The following CDHR5 variants were observed in gnomAD, a reference collection of about 807,000 sequenced individuals.
The protein encoded by CDHR5 is cadherin related family member 5, also known as cadherin-related family member 5.
In CDHR5, 82 loss-of-function variants were observed where a neutral mutation model predicts 69.5. The observed-to-expected ratio is 1.18, with a 90% CI of 0.99 to 1.42. The LOEUF (loss-of-function observed/expected upper bound fraction) is 1.42. Among genes scored for constraint, CDHR5 ranks in the 40% most tolerant of loss-of-function variants. The pLI is 0.00. For synonymous variants in CDHR5, 601 were observed against 510.2 expected, an observed-to-expected ratio of 1.18 and a Z score of -2.40; for missense variants, 1,293 against 1,168.9, an observed-to-expected ratio of 1.11 and a Z score of -1.55.
chr11:620,340 C>T lies in CDHR5; in HGVS notation c.836G>A (p.Gly279Glu). 1 of 1,612,886 alleles carries T rather than the reference C, an allele frequency of 6.2e-7. No individual in the cohort carries two copies. Among genetic ancestry groups the T allele is most frequent in the Non-Finnish European group, 8.5e-7 (1 of 1,179,306 alleles). Reference protein sequence around the residue: ...LRPGPIYAEDGDRGINQPIIY... With the variant: ...LRPGPIYAEDEDRGINQPIIY... ...GATGGGCTGGTTGATGCCGCGGTCT[C>T]CGTCCTCAGCGTAGATGGGTCCGGG... Residue 279 changes from glycine (G) to glutamate (E), a missense_variant, in exon 8 of 15, where the codon GGA (glycine) becomes GAA (glutamate). Gly to Glu is a moderately conservative substitution (Grantham distance 98). Coordinates refer to ENST00000397542, the MANE Select transcript of CDHR5 (RefSeq NM_021924.5).
In CDHR5 at chr11:616,971, T is replaced by TTAAA; in HGVS notation, c.*379_*380insTTTA. 8.1e-6 allele frequency: 2 copies of TTAAA among 247,072 alleles called. No homozygotes were observed. The highest frequency in any genetic ancestry group is 8.3e-5 in the South Asian group (1 of 12,086). 15.3% of individuals were successfully genotyped at this position (247,072 alleles called of 1,614,324 possible). A position where few individuals can be genotyped will look rare whatever the true frequency, so the allele number is the denominator to read the frequency against. On this transcript the variant is annotated 3_prime_UTR_variant, in exon 15 of 15. Coordinates refer to ENST00000397542, the MANE Select transcript of CDHR5 (RefSeq NM_021924.5). ...AGGGTCGGGAGCGGGAGGTCTGAGA[T>TTAAA]GAGCCGGGTGCCTGAGATCTCCGGT...
intron 3 of CDHR5, among the ~76,000 whole-genome samples, chr11:623,500 G>A (rs1857540991): frequency 6.6e-6 from 1 of 152,144 alleles, no homozygotes; most frequent in South Asian, 2.1e-4. Flanking sequence ...TTGGGGGAGC[G>A]GGGCTGGGAT....
intron 9 of CDHR5, 91 bp from the exon 10 acceptor site, chr11:619,972 GC>G (rs1170905600): frequency 2.8e-6 from 4 of 1,405,872 alleles, no homozygotes; most frequent in Non-Finnish European, 3.8e-6. Context: ...TGCAGACTTG[GC>G]GGGGGCCCTG....
chr11:617,638 C>A lies in CDHR5; in HGVS notation c.2251G>T (p.Gly751Cys). 1 of 1,565,434 alleles carries A rather than the reference C, an allele frequency of 6.4e-7. No homozygotes were observed. ...APMPAEPAPP[G>C]PASPGGAPEP... The stretch of plus-strand genomic sequence containing the variant: ...GGGGCACCGCCTGGGGAGGCAGGGC[C>A]GGGGGGTGCGGGCTCTGCGGGCATC... Residue 751 changes from glycine to cysteine, a missense_variant, in exon 15 of 15, where the codon GGC (glycine) becomes TGC (cysteine). Physicochemically the swap from Gly to Cys is radical, Grantham distance 159. Coordinates refer to ENST00000397542, the MANE Select transcript of CDHR5 (RefSeq NM_021924.5).
In CDHR5 at chr11:617,685, T is replaced by A. The variant is rs922755312; in HGVS notation, c.2204A>T (p.Asp735Val). The A allele has an allele frequency of 7.5e-6, 11 of 1,475,604 alleles. No homozygotes were observed. In the African/African-American group the frequency reaches 1.4e-4, roughly 19 times the overall value. 91.4% of individuals were successfully genotyped at this position (1,475,604 alleles called of 1,614,324 possible). ...CATCGGTGCCTCCGCGGGCTTGGGG[T>A]CGTGCGTGGGGCTGGGGACGGGCGC... ...NWAPVPSPTH[D>V]PKPAEAPMPA... Residue 735 changes from aspartate to valine, a missense_variant, in exon 15 of 15, where the codon GAC becomes GTC. Coordinates refer to ENST00000397542, the MANE Select transcript of CDHR5 (RefSeq NM_021924.5).
intron 7 of CDHR5, 102 bp downstream of exon 7, chr11:620,978 C>A: frequency 1.3e-6 from 1 of 772,720 alleles, no homozygotes; most frequent in Non-Finnish European, 2.0e-6. Context: ...CGGCCCCACC[C>A]CCTGACCCCG....
chr11:624,078 G>T lies in CDHR5; in HGVS notation c.312+135C>A. Reference sequence around the variant, plus strand: ...GGGCAGAGTCTGGACTGGAGGAAATGTGGGCATCACCCTCGGGGGGGTGGA... The same window carrying T: ...GGGCAGAGTCTGGACTGGAGGAAATTTGGGCATCACCCTCGGGGGGGTGGA... On this transcript the variant is annotated intron_variant, in intron 3 of 14. Coordinates refer to ENST00000397542, the MANE Select transcript of CDHR5 (RefSeq NM_021924.5). The surrounding 1 kb of genome is among the most constrained non-coding windows in gnomAD (Gnocchi z 5.3). 1.5e-6 allele frequency: 1 copy of T among 650,642 alleles called. No homozygotes were observed. The highest frequency in any genetic ancestry group is 2.8e-6 in the Non-Finnish European group (1 of 354,466). 40.3% of individuals were successfully genotyped at this position (650,642 alleles called of 1,614,324 possible). A position where few individuals can be genotyped will look rare whatever the true frequency, so the allele number is the denominator to read the frequency against.
chr11:619,460 G>T lies in CDHR5; in HGVS notation c.1293+14C>A, dbSNP rs958714803. On this transcript the variant is annotated intron_variant, in intron 11 of 14. Coordinates refer to ENST00000397542, the MANE Select transcript of CDHR5 (RefSeq NM_021924.5). ...CCCACACCCTTGGAGATGCCCGCCT[G>T]CCCTGCCCCGCACCTCTGCGTAGAA... 3 of 1,607,382 alleles carry T rather than the reference G, an allele frequency of 1.9e-6. No homozygotes were observed. Among genetic ancestry groups the T allele is most frequent in the Non-Finnish European group, 2.6e-6 (3 of 1,174,090 alleles).
Position 618,889 on chromosome 11 carries a change from G to T in CDHR5, c.1670C>A (p.Thr557Asn), listed in dbSNP as rs754772198. ...TSQPMPPGVG[T>N]STSHQPATPS... ...TGTGGCTGGTTGGTGGGAGGTGCTG[G>T]TTCCCACACCGGGGGGCATCGGCTG... is the stretch of plus-strand genomic sequence containing the variant. The change falls in exon 13 of 15, where the codon ACC becomes AAC. Residue 557 changes from threonine to asparagine, a missense_variant. Physicochemically the swap from Thr to Asn is moderately conservative, Grantham distance 65. Coordinates refer to ENST00000397542, the MANE Select transcript of CDHR5 (RefSeq NM_021924.5). The T allele has an allele frequency of 1.2e-6, 2 of 1,610,542 alleles. No individual in the cohort carries two copies. The highest frequency in any genetic ancestry group is 2.2e-5 in the South Asian group (2 of 90,876).
In CDHR5 at chr11:624,551, C is replaced by T; in HGVS notation, c.261+6G>A. The T allele has an allele frequency of 6.2e-7, 1 of 1,605,814 alleles. No individual in the cohort carries two copies. The highest frequency in any genetic ancestry group is 8.5e-7 in the Non-Finnish European group (1 of 1,174,478). On this transcript the variant is annotated splice_donor_region_variant and intron_variant, in intron 2 of 14. Transcript: ENST00000397542. The surrounding 1 kb of genome is among the most constrained non-coding windows in gnomAD (Gnocchi z 5.3). ...CCCCCATATCCCGCCCGCCTGCCGC[C>T]CACACCTCGTAATCAGGAGTCACGT...
In CDHR5 at chr11:624,540, C is replaced by T; in HGVS notation, c.261+17G>A. On this transcript the variant is annotated intron_variant, in intron 2 of 14. Transcript: ENST00000397542. This position sits in a 1 kb window ranked among gnomAD's most constrained non-coding sequence, Gnocchi z 5.3. Reference sequence around the variant, plus strand: ...TTCTCCCGGGACCCCCATATCCCGCCCGCCTGCCGCCCACACCTCGTAATC... The same window carrying T: ...TTCTCCCGGGACCCCCATATCCCGCTCGCCTGCCGCCCACACCTCGTAATC... 1 of 1,605,024 alleles carries T rather than the reference C, an allele frequency of 6.2e-7. No individual in the cohort carries two copies. The highest frequency in any genetic ancestry group is 8.5e-7 in the Non-Finnish European group (1 of 1,174,004).
rs369591007 is a variant in CDHR5 at position 617,303 on chromosome 11, C to T, written c.*48G>A. Reference sequence around the variant, plus strand: ...TGCCTCGGGTCGGAGGCTGGGGGAGCGAGACCTCCAGTGCCCGTGCGGCTG... The same window carrying T: ...TGCCTCGGGTCGGAGGCTGGGGGAGTGAGACCTCCAGTGCCCGTGCGGCTG... On this transcript the variant is annotated 3_prime_UTR_variant, in exon 15 of 15. Coordinates refer to ENST00000397542, the MANE Select transcript of CDHR5 (RefSeq NM_021924.5). 8.4e-5 allele frequency: 118 copies of T among 1,408,550 alleles called. No individual in the cohort carries two copies. Among genetic ancestry groups the T allele is most frequent in the Middle Eastern group, 7.3e-4 (4 of 5,446 alleles). The allele number at this position is 1,408,550 out of a possible 1,614,324, so 87.3% of individuals were successfully genotyped here.
At position 618,747 on chromosome 11, in the gene CDHR5, G is replaced by C. The variant is rs769591185; in HGVS notation, c.1812C>G (p.Thr604=). 6.2e-7 allele frequency: 1 copy of C among 1,606,468 alleles called. No homozygotes were observed. Among genetic ancestry groups the C allele is most frequent in the Non-Finnish European group, 8.5e-7 (1 of 1,178,190 alleles). ...TCGGCTGAGAGGTTCCTGCCTCTGG[G>C]GTCTGTGCTGTGCCCCCACCGGGTG... ...PATPGGGTAQ[T]PEAGTSQPMP... Residue 604 remains threonine, a synonymous_variant, in exon 13 of 15, where the codon ACC becomes ACG. Coordinates refer to ENST00000397542, the MANE Select transcript of CDHR5 (RefSeq NM_021924.5).
intron 9 of CDHR5, 23 bp from the exon 10 acceptor site, chr11:619,904 T>C: frequency 6.6e-7 from 1 of 1,515,684 alleles, no homozygotes; most frequent in African/African-American, 1.4e-5. Context: ...GAGGCAGCAG[T>C]GACTAGTGGG....
intron 3 of CDHR5, among the ~76,000 whole-genome samples, chr11:623,445 C>T (rs1008955366): frequency 2.0e-5 from 3 of 152,122 alleles, no homozygotes; most frequent in Non-Finnish European, 4.4e-5. Context: ...CTGCAATTTT[C>T]CTTAATAAAG....
At position 617,093 on chromosome 11, in the gene CDHR5, A is replaced by C; in HGVS notation, c.*258T>G. Reference sequence around the variant, plus strand: ...ACAGAGCCTCGGGAAGGCGGCGGGCACTGCAGGTGGTTTACGGGAAGTGCT... The same window carrying C: ...ACAGAGCCTCGGGAAGGCGGCGGGCCCTGCAGGTGGTTTACGGGAAGTGCT... On this transcript the variant is annotated 3_prime_UTR_variant, in exon 15 of 15. Coordinates refer to ENST00000397542, the MANE Select transcript of CDHR5 (RefSeq NM_021924.5). The C allele has an allele frequency of 2.5e-4, 123 of 485,228 alleles. No homozygotes were observed. The highest frequency in any genetic ancestry group is 2.5e-4 in the Non-Finnish European group (69 of 272,898). The allele number at this position is 485,228 out of a possible 1,614,324, so 30.1% of individuals were successfully genotyped here. A position where few individuals can be genotyped will look rare whatever the true frequency, so the allele number is the denominator to read the frequency against.
rs764597458 is a variant in CDHR5 at position 620,034 on chromosome 11, C to T, written c.978+33G>A. ...CGCCCTACCTTCCACCCTTCCCCCT[C>T]TGCCCTGCCCCCCATGCAGGTGCCC... On this transcript the variant is annotated intron_variant, in intron 9 of 14. Coordinates refer to ENST00000397542, the MANE Select transcript of CDHR5 (RefSeq NM_021924.5). 3.4e-6 allele frequency: 5 copies of T among 1,485,846 alleles called. No individual in the cohort carries two copies. The South Asian group carries it at 6.0e-5, about 18-fold the overall frequency. The allele number at this position is 1,485,846 out of a possible 1,614,324, so 92.0% of individuals were successfully genotyped here. A position where few individuals can be genotyped will look rare whatever the true frequency, so the allele number is the denominator to read the frequency against.
rs764291288 is a variant in CDHR5, at chr11:621,119, T to C, written c.750A>G (p.Gln250=). ...CTFSDGYVCI[Q]AQYHGAVPTG... is the part of the protein sequence containing the mutation. ...TGGGGACAGCCCCGTGGTACTGAGC[T>C]TGAATGCAGACGTAGCCATCTGAGA... The change falls in exon 7 of 15, where the codon CAA becomes CAG. Residue 250 remains glutamine, a synonymous_variant. Transcript: ENST00000397542. This position sits in a 1 kb window ranked among gnomAD's most constrained non-coding sequence, Gnocchi z 4.4. 4.2e-5 allele frequency: 66 copies of C among 1,580,752 alleles called. No homozygotes were observed. The highest frequency in any genetic ancestry group is 5.6e-5 in the Non-Finnish European group (65 of 1,163,002).
chr11:619,546 T>C lies in CDHR5; in HGVS notation c.1221A>G (p.Ser407=). 1 of 1,613,844 alleles carries C rather than the reference T, an allele frequency of 6.2e-7. No individual in the cohort carries two copies. Among genetic ancestry groups the C allele is most frequent in the Non-Finnish European group, 8.5e-7 (1 of 1,179,894 alleles). ...CAACCTCTCCCTCCATCCGGAAGTG[T>C]GAGTGGTTGGTAATTCGATATGTGA... ...SAITYRITNH[S]HFRMEGEVVL... is the part of the protein sequence containing the mutation. The change falls in exon 11 of 15, where the codon TCA becomes TCG. Residue 407 remains serine (S), a synonymous_variant. Coordinates refer to ENST00000397542, the MANE Select transcript of CDHR5 (RefSeq NM_021924.5).
Sources: gnomAD v4.1 joint callset for allele counts (sites outside exome capture counted in the v4.1 genomes callset) on GRCh38, gnomAD v4.1.1 for gene constraint, Gnocchi (gnomAD v3.1) non-coding constraint, MANE v1.5 for transcripts, NCBI Gene and HGNC (gene_info 2026-07-23, HGNC 2026-07-21) for gene names.